Variants in NXN observed in about 807,000 individuals in gnomAD.
The protein encoded by NXN is nucleoredoxin, also known as nucleoredoxin 1.
In NXN, 16 loss-of-function variants were observed where a neutral mutation model predicts 48.6. The ratio of observed to expected loss-of-function variants is 0.33; its 90% CI spans 0.22 to 0.50. NXN has a LOEUF of 0.50. Ranked by LOEUF, NXN falls within the 20% of genes least tolerant of loss-of-function variation. The pLI is 0.98. For synonymous variants in NXN, 281 were observed against 269.6 expected, an observed-to-expected ratio of 1.04 and a Z score of -0.41; for missense variants, 492 against 605.5, an observed-to-expected ratio of 0.81 and a Z score of 1.97.
At chr17:904,819 C>T (rs763685861) in intron 1 of NXN, among the ~76,000 whole-genome samples, 2 of 152,234 alleles carry the variant, frequency 1.3e-5, no homozygotes, top group Non-Finnish European at 2.9e-5. Flanking sequence ...GCTGGGATGA[C>T]AGGCGTGAGC....
chr17:878,647 T>C (rs1248029631), intron 1 of NXN, among the ~76,000 whole-genome samples: 1 of 151,930 alleles, frequency 6.6e-6, no homozygotes, highest in Non-Finnish European at 1.5e-5. Context: ...TTCTGGGAGC[T>C]GTGTAGACAG....
rs2069168904 is a variant in NXN at position 956,394 on chromosome 17, C to T, written c.360+22925G>A. On this transcript the variant is annotated intron_variant, in intron 1 of 7. Transcript: ENST00000336868. The surrounding 1 kb of genome is among the most constrained non-coding windows in gnomAD (Gnocchi z 4.1). ...CTGGCCTTTTCCTCTGTGCCCAGCA[C>T]TATGTTCAGGGCTTTTTATTTTTAT... 6.6e-6 allele frequency among the ~76,000 whole-genome samples: 1 copy of T among 152,084 alleles called. No homozygotes were observed. Among genetic ancestry groups the T allele is most frequent in the Admixed American group, 6.6e-5 (1 of 15,238 alleles).
At chr17:841,574 A>C (rs74339086) in intron 1 of NXN, among the ~76,000 whole-genome samples, 2,129 of 9,094 alleles carry the variant, frequency 0.23, 243 homozygotes, top group African/African-American at 0.4. Flanking sequence ...CTGACCACGG[A>C]GCATCTCACG....
In NXN at chr17:865,929, G is replaced by C. The variant is rs572134347; in HGVS notation, c.361-39851C>G. Among the ~76,000 whole-genome samples, 28 of 152,176 alleles carry C rather than the reference G, an allele frequency of 1.8e-4. No homozygotes were observed. The East Asian group carries it at 4.9e-3, about 26-fold the overall frequency. ...ACCCGGGAGGTGGAGGTTGCAGTGAGCTAAGATCGCGGCATTGCACTCCAG... is the reference window on the plus strand; with the variant it reads ...ACCCGGGAGGTGGAGGTTGCAGTGACCTAAGATCGCGGCATTGCACTCCAG... On this transcript the variant is annotated intron_variant, in intron 1 of 7. Coordinates refer to ENST00000336868, the MANE Select transcript of NXN (RefSeq NM_022463.5).
At chr17:873,337 A>G (rs1597682622) in intron 1 of NXN, among the ~76,000 whole-genome samples, 1 of 151,810 alleles carries the variant, frequency 6.6e-6, no homozygotes, top group East Asian at 1.9e-4. Flanking sequence ...TCTCTACTAT[A>G]AATACAAAAA....
chr17:901,978 G>A (rs911021650), intron 1 of NXN, among the ~76,000 whole-genome samples: 8 of 152,098 alleles, frequency 5.3e-5, no homozygotes, highest in Admixed American at 1.3e-4. Context: ...GGGATTGCAG[G>A]TGTGAGCCAC....
chr17:850,842 C>T (rs780182736), intron 1 of NXN, among the ~76,000 whole-genome samples: 2 of 152,188 alleles, frequency 1.3e-5, no homozygotes, highest in East Asian at 1.9e-4. Context: ...GGACACTCCC[C>T]GGCCAGGTGT....
chr17:812,103 A>G (rs1912072460), intron 5 of NXN, among the ~76,000 whole-genome samples: 3 of 150,146 alleles, frequency 2.0e-5, no homozygotes, highest in African/African-American at 4.9e-5. Context: ...AATTTTTTGT[A>G]TTTTTAATAG....
intron 1 of NXN, among the ~76,000 whole-genome samples, chr17:971,649 G>A (rs1245590594): frequency 6.6e-6 from 1 of 151,892 alleles, no homozygotes; most frequent in Non-Finnish European, 1.5e-5. Context: ...GGCGGAGCTG[G>A]CAGTCAGCCG....
At chr17:848,176 C>T (rs1466127187) in intron 1 of NXN, among the ~76,000 whole-genome samples, 9 of 151,712 alleles carry the variant, frequency 5.9e-5, no homozygotes, top group East Asian at 1.9e-4. Flanking sequence ...CCTGCCGTGT[C>T]GCCCACGCTG....
chr17:837,726 T>G (rs1913906084), intron 1 of NXN, among the ~76,000 whole-genome samples: 1 of 152,204 alleles, frequency 6.6e-6, no homozygotes, highest in Non-Finnish European at 1.5e-5. Context: ...ACCTGCGCAT[T>G]CTGCCTTCGC....
In NXN at chr17:820,065, C is replaced by A. The variant is rs1285732219; in HGVS notation, c.714-520G>T. On this transcript the variant is annotated intron_variant, in intron 4 of 7. Transcript: ENST00000336868. ...TAGGTAGAGACAGACCCATGTGGGG[C>A]TGGGGTTTATGAGCGGAGACCGACC... Among the ~76,000 whole-genome samples the A allele has an allele frequency of 2.0e-5, 3 of 152,190 alleles. No individual in the cohort carries two copies. The East Asian group carries it at 5.8e-4, about 29-fold the overall frequency.
In NXN at chr17:824,231, T is replaced by C. The variant is rs535072010; in HGVS notation, c.479-466A>G. Among the ~76,000 whole-genome samples the C allele has an allele frequency of 1.7e-4, 24 of 144,508 alleles. No homozygotes were observed. In the South Asian group the frequency reaches 5.1e-3, roughly 31 times the overall value. 94.8% of individuals were successfully genotyped at this position (144,508 alleles called of 152,430 possible). A position where few individuals can be genotyped will look rare whatever the true frequency, so the allele number is the denominator to read the frequency against. On this transcript the variant is annotated intron_variant, in intron 2 of 7. Coordinates refer to ENST00000336868, the MANE Select transcript of NXN (RefSeq NM_022463.5). ...ATGTTTTTTTTCTATTTATTTTTAG[T>C]AGAGATGGGGTTTCACCGTGTTAGC...
intron 1 of NXN, among the ~76,000 whole-genome samples, chr17:884,240 A>AAATG (rs1442266935): frequency 2.1e-5 from 3 of 145,888 alleles, no homozygotes; most frequent in Non-Finnish European, 3.1e-5. Flanking sequence ...ATAAATAAAT[A>AAATG]AATAAATAAT....
At chr17:853,438 ACT>A (rs1428030358) in intron 1 of NXN, among the ~76,000 whole-genome samples, 2 of 151,716 alleles carry the variant, frequency 1.3e-5, no homozygotes, top group Non-Finnish European at 2.9e-5. Flanking sequence ...ACAGAGTGAG[ACT>A]CTGCCTAAAA....
chr17:829,397 CG>C (rs1567821456), intron 1 of NXN, among the ~76,000 whole-genome samples: 1 of 151,546 alleles, frequency 6.6e-6, no homozygotes, highest in Non-Finnish European at 1.5e-5. Flanking sequence ...TCAGGTGATC[CG>C]CCCACCTCGG....
rs57245330 is a variant in NXN at position 954,609 on chromosome 17, C to T, written c.360+24710G>A. ...CTCAGAGCAACAGGGCTGATTCCCA[C>T]GACCCCAGGCCCCAGGGCCGAGTGC... On this transcript the variant is annotated intron_variant, in intron 1 of 7. Coordinates refer to ENST00000336868, the MANE Select transcript of NXN (RefSeq NM_022463.5). Among the ~76,000 whole-genome samples, 1,008 of 152,352 alleles carry T rather than the reference C, an allele frequency of 6.6e-3. 12 individuals are homozygous for T. Among genetic ancestry groups the T allele is most frequent in the African/African-American group, 0.023 (944 of 41,586 alleles).
intron 1 of NXN, chr17:959,026 G>A (rs576149092): frequency 1.2e-4 from 31 of 254,808 alleles, no homozygotes; most frequent in Non-Finnish European, 1.7e-4. Flanking sequence ...GCGCGGAGCC[G>A]AGGGACCATG....
chr17:931,616 C>A (rs182308699), intron 1 of NXN, among the ~76,000 whole-genome samples: 7 of 149,678 alleles, frequency 4.7e-5, no homozygotes, highest in Non-Finnish European at 8.9e-5. Context: ...GTGGGCGGAT[C>A]GTGAGGTCAG....
Sources: gnomAD v4.1 joint callset for allele counts (sites outside exome capture counted in the v4.1 genomes callset) on GRCh38, gnomAD v4.1.1 for gene constraint, Gnocchi (gnomAD v3.1) non-coding constraint, MANE v1.5 for transcripts, NCBI Gene and HGNC (gene_info 2026-07-23, HGNC 2026-07-21) for gene names.